The following TNFAIP8 variants were observed in gnomAD, a reference collection of about 807,000 sequenced individuals.
TNFAIP8 encodes TNF alpha induced protein 8.
In TNFAIP8, 7 loss-of-function variants were observed where a neutral mutation model predicts 13.3. That is an observed-to-expected ratio of 0.52 (90% CI 0.30 to 0.99). The LOEUF is 0.99. TNFAIP8 is among the 50% of genes least tolerant of loss of function. The pLI, the probability that TNFAIP8 is intolerant of heterozygous loss-of-function variation, is 0.07. For synonymous variants in TNFAIP8, 94 were observed against 87.6 expected, an observed-to-expected ratio of 1.07 and a Z score of -0.41; for missense variants, 258 against 236.9, an observed-to-expected ratio of 1.09 and a Z score of -0.58.
chr5:119,310,669 T>C (rs112124798), intron 1 of TNFAIP8, among the ~76,000 whole-genome samples: 3,186 of 152,264 alleles, frequency 0.021, 122 homozygotes, highest in African/African-American at 0.072. Context: ...ACCCTGTCTC[T>C]ACTAAGAATT....
chr5:119,282,618 C>T (rs189419537), intron 1 of TNFAIP8, among the ~76,000 whole-genome samples: 33 of 152,344 alleles, frequency 2.2e-4, no homozygotes, highest in African/African-American at 7.0e-4. Context: ...GTGGTCCCCA[C>T]GCCTGCTTGC....
At chr5:119,315,870 G>A (rs1749878826) in intron 1 of TNFAIP8, among the ~76,000 whole-genome samples, 1 of 152,090 alleles carries the variant, frequency 6.6e-6, no homozygotes, top group South Asian at 2.1e-4. Flanking sequence ...ACACAGATTT[G>A]TTTATTATTT....
At chr5:119,379,581 ATTTGT>A (rs905081371) in intron 1 of TNFAIP8, among the ~76,000 whole-genome samples, 4 of 151,800 alleles carry the variant, frequency 2.6e-5, no homozygotes, top group Non-Finnish European at 5.9e-5. Context: ...CCTTCATTTG[ATTTGT>A]TTTATTTTTA....
At chr5:119,287,381 A>T (rs1053804808) in intron 1 of TNFAIP8, among the ~76,000 whole-genome samples, 10 of 139,954 alleles carry the variant, frequency 7.1e-5, no homozygotes, top group African/African-American at 1.0e-4. Context: ...TGATGATTTG[A>T]TGTGTAATGA....
intron 1 of TNFAIP8, among the ~76,000 whole-genome samples, chr5:119,303,760 G>A (rs576849707): frequency 9.2e-5 from 14 of 152,278 alleles, no homozygotes; most frequent in South Asian, 4.1e-4. Context: ...TCATGAGATG[G>A]TTCCCCTTCC....
At chr5:119,333,708 A>T in intron 1 of TNFAIP8, 1 of 1,150,932 alleles carries the variant, frequency 8.7e-7, no homozygotes, top group Non-Finnish European at 1.3e-6. Flanking sequence ...CAGATGACTA[A>T]CATAGTATTG....
rs945681471 is a variant in TNFAIP8, at chr5:119,303,259, G to C, written c.1+34352G>C. 3.4e-4 allele frequency among the ~76,000 whole-genome samples: 51 copies of C among 152,184 alleles called. 1 individual carries two copies. Among genetic ancestry groups the C allele is most frequent in the Non-Finnish European group, 8.8e-5 (6 of 68,024 alleles). Reference sequence around the variant, plus strand: ...GAATATGCTTACTTTAATGAGTACTGTGTTTTGTTTAAAGTGTATGTCATC... The same window carrying C: ...GAATATGCTTACTTTAATGAGTACTCTGTTTTGTTTAAAGTGTATGTCATC... On this transcript the variant is annotated intron_variant, in intron 1 of 1. Coordinates refer to the TNFAIP8 transcript ENST00000274456.
chr5:119,287,280 G>GTT (rs58452491), intron 1 of TNFAIP8, among the ~76,000 whole-genome samples: 55,921 of 108,624 alleles, frequency 0.51, 16,573 homozygotes, highest in East Asian at 0.78. Context: ...CAGTAACCAA[G>GTT]TTTTTTTTTT....
chr5:119,374,213 G>A (rs933087961), intron 1 of TNFAIP8, among the ~76,000 whole-genome samples: 8 of 151,700 alleles, frequency 5.3e-5, no homozygotes, highest in Admixed American at 6.6e-5. Context: ...CAGATTTTTG[G>A]AATATTTGCA....
At chr5:119,317,660 G>A (rs1454520535) in intron 1 of TNFAIP8, among the ~76,000 whole-genome samples, 2 of 151,412 alleles carry the variant, frequency 1.3e-5, no homozygotes, top group East Asian at 1.9e-4. Context: ...GTGCAGTGGC[G>A]CGATTTCGGC....
At chr5:119,269,527 C>T (rs1356620940) in intron 1 of TNFAIP8, among the ~76,000 whole-genome samples, 1 of 152,264 alleles carries the variant, frequency 6.6e-6, no homozygotes, top group East Asian at 1.9e-4. Flanking sequence ...CTGATGAGCG[C>T]CCAGGCTCCA....
intron 1 of TNFAIP8, among the ~76,000 whole-genome samples, chr5:119,361,209 G>A (rs966317334): frequency 2.7e-5 from 4 of 150,880 alleles, no homozygotes; most frequent in Non-Finnish European, 5.9e-5. Context: ...TTCTCAGGAA[G>A]CATTTGCGGG....
intron 1 of TNFAIP8, among the ~76,000 whole-genome samples, chr5:119,285,455 C>T (rs941326874): frequency 2.0e-5 from 3 of 152,148 alleles, no homozygotes; most frequent in Admixed American, 6.5e-5. Flanking sequence ...GCACAAGTGG[C>T]TTTGGGTGGG....
chr5:119,314,220 C>A (rs956752310), intron 1 of TNFAIP8, among the ~76,000 whole-genome samples: 1 of 152,108 alleles, frequency 6.6e-6, no homozygotes, highest in Non-Finnish European at 1.5e-5. Context: ...CCATGTCTGT[C>A]GTCTGTTTTG....
rs112882231 is a variant in TNFAIP8 at position 119,331,096 on chromosome 5, C to T, written c.2-61720C>T. On this transcript the variant is annotated intron_variant, in intron 1 of 1. Coordinates refer to the TNFAIP8 transcript ENST00000274456. ...TGGCTGCCTCCACTCTCCTCCTTGCCTTGAAGCATGGGTGATGCATCCACA... is the reference window on the plus strand; with the variant it reads ...TGGCTGCCTCCACTCTCCTCCTTGCTTTGAAGCATGGGTGATGCATCCACA... Among the ~76,000 whole-genome samples, 1,383 of 152,322 alleles carry T rather than the reference C, an allele frequency of 9.1e-3. 23 individuals carry two copies. The highest frequency in any genetic ancestry group is 0.031 in the African/African-American group (1,293 of 41,566).
Position 119,356,099 on chromosome 5 carries a change from C to A in TNFAIP8, c.9C>A (p.Ser3=). The A allele has an allele frequency of 1.3e-6, 2 of 1,588,082 alleles. No individual in the cohort carries two copies. Among genetic ancestry groups the A allele is most frequent in the Non-Finnish European group, 1.7e-6 (2 of 1,165,420 alleles). ...CTGGTTATCCTGACATTATGCACTC[C>A]GAAGCAGAAGAATCCAAGGAAGGTA... The part of the protein sequence containing the change: MH[S]EAEESKEVAT... Residue 3 remains serine, a synonymous_variant, in exon 1 of 2, where the codon TCC becomes TCA. Coordinates refer to ENST00000504771, the MANE Select transcript of TNFAIP8 (RefSeq NM_014350.4).
At chr5:119,384,140 C>T (rs4895190) in intron 1 of TNFAIP8, among the ~76,000 whole-genome samples, 1 of 152,180 alleles carries the variant, frequency 6.6e-6, no homozygotes, top group Non-Finnish European at 1.5e-5. Flanking sequence ...CACCTCATTT[C>T]TAAAATGAGT....
chr5:119,383,502 C>T (rs1444669436), intron 1 of TNFAIP8, among the ~76,000 whole-genome samples: 1 of 152,116 alleles, frequency 6.6e-6, no homozygotes, highest in African/African-American at 2.4e-5. Context: ...GGTCATAGCC[C>T]GTATTTCTCC....
chr5:119,322,335 A>G (rs557471065), intron 1 of TNFAIP8, among the ~76,000 whole-genome samples: 4 of 152,096 alleles, frequency 2.6e-5, no homozygotes, highest in Admixed American at 2.6e-4. Context: ...ATGAAGTGCT[A>G]CTCCTTGAGG....
Sources: gnomAD v4.1 joint callset for allele counts (sites outside exome capture counted in the v4.1 genomes callset) on GRCh38, gnomAD v4.1.1 for gene constraint, MANE v1.5 for transcripts, NCBI Gene and HGNC (gene_info 2026-07-23, HGNC 2026-07-21) for gene names.